NCR3LG1: variants seen among roughly 807,000 people sequenced by gnomAD.
The protein encoded by NCR3LG1 is natural killer cell cytotoxicity receptor 3 ligand 1, also known as natural cytotoxicity triggering receptor 3 ligand 1.
Under a neutral mutation model 34.8 loss-of-function variants are expected in NCR3LG1, and 35 were observed. The observed-to-expected ratio is 1.01, with a 90% CI of 0.77 to 1.33. NCR3LG1 has a LOEUF of 1.33. Among genes scored for constraint, NCR3LG1 ranks in the 40% most tolerant of loss-of-function variants. The pLI, the probability that NCR3LG1 is intolerant of heterozygous loss-of-function variation, is 0.00. For missense variants in NCR3LG1, 452 were observed against 423.3 expected (o/e 1.07, Z -0.60); for synonymous variants, 173 against 163.6 (o/e 1.06, Z -0.44).
intron 2 of NCR3LG1, among the ~76,000 whole-genome samples, chr11:17,366,214 G>A (rs957699133): frequency 6.6e-6 from 1 of 152,104 alleles, no homozygotes; most frequent in African/African-American, 2.4e-5. Flanking sequence ...CTTTTATCTT[G>A]TCACTCTGCC....
At chr11:17,366,155 C>T (rs891345613) in intron 2 of NCR3LG1, among the ~76,000 whole-genome samples, 1 of 152,126 alleles carries the variant, frequency 6.6e-6, no homozygotes, top group Non-Finnish European at 1.5e-5. Flanking sequence ...TGTAGCCAGC[C>T]CAGGGCAGAT....
At chr11:17,380,062 T>C (rs1273855959), downstream of NCR3LG1, among the ~76,000 whole-genome samples, 1 of 152,194 alleles carries the variant, frequency 6.6e-6, no homozygotes, top group Non-Finnish European at 1.5e-5. Flanking sequence ...GCTGGAATAC[T>C]GAACTATATC....
chr11:17,363,095 T>G (rs1260183659), intron 2 of NCR3LG1, among the ~76,000 whole-genome samples: 2 of 144,590 alleles, frequency 1.4e-5, no homozygotes, highest in East Asian at 4.0e-4. Context: ...TAATTTAATT[T>G]TTTTTTTTTT....
Position 17,375,421 on chromosome 11 carries a change from A to C in NCR3LG1, c.*2909A>C, listed in dbSNP as rs1484194654. 2.0e-5 allele frequency: 3 copies of C among 152,150 alleles called. No homozygotes were observed. 9.4% of individuals were successfully genotyped at this position (152,150 alleles called of 1,614,324 possible). A position where few individuals can be genotyped will look rare whatever the true frequency, so the allele number is the denominator to read the frequency against. On this transcript the variant is annotated 3_prime_UTR_variant, in exon 5 of 5. Coordinates refer to ENST00000338965, the MANE Select transcript of NCR3LG1 (RefSeq NM_001202439.3). ...AGTGGGATATGCAGTAGTCACCCTA[A>C]ATAACATTGAAAATGTGCCTCTCTC...
At chr11:17,357,841 G>C (rs1354567151) in intron 2 of NCR3LG1, among the ~76,000 whole-genome samples, 1 of 152,186 alleles carries the variant, frequency 6.6e-6, no homozygotes, top group Admixed American at 6.5e-5. Context: ...TGAGTAGCTA[G>C]GACCTCGGTT....
chr11:17,379,150 C>T (rs939443649), downstream of NCR3LG1, among the ~76,000 whole-genome samples: 2 of 152,000 alleles, frequency 1.3e-5, no homozygotes, highest in Non-Finnish European at 2.9e-5. Context: ...TTGCTCCAAC[C>T]TCACCTTTGG....
chr11:17,372,479 C>T lies in NCR3LG1; in HGVS notation c.1332C>T (p.Ser444=). 1 of 701,590 alleles carries T rather than the reference C, an allele frequency of 1.4e-6. No individual in the cohort carries two copies. The allele number at this position is 701,590 out of a possible 1,614,324, so 43.5% of individuals were successfully genotyped here. A position where few individuals can be genotyped will look rare whatever the true frequency, so the allele number is the denominator to read the frequency against. The part of the protein sequence containing the change: ...ATTSTTPVLS[S]QPPTLLLPLQ ...CATCAACAACTCCAGTTCTATCCTC[C>T]CAACCCCCAACTTTACTGTTACCCC... Residue 444 remains serine, a synonymous_variant, in exon 5 of 5, where the codon TCC becomes TCT. Transcript: ENST00000338965.
intron 2 of NCR3LG1, among the ~76,000 whole-genome samples, chr11:17,357,757 G>A (rs1330981423): frequency 6.6e-6 from 1 of 152,070 alleles, no homozygotes; most frequent in Non-Finnish European, 1.5e-5. Context: ...GCCCAGGCTG[G>A]AGAGCATGGC....
At chr11:17,361,487 G>C (rs1953269026) in intron 2 of NCR3LG1, among the ~76,000 whole-genome samples, 1 of 152,014 alleles carries the variant, frequency 6.6e-6, no homozygotes, top group African/African-American at 2.4e-5. Flanking sequence ...GGGTCACCAA[G>C]TTGGCCAGGC....
At chr11:17,377,954 T>C (rs1471840362), downstream of NCR3LG1, among the ~76,000 whole-genome samples, 2 of 152,334 alleles carry the variant, frequency 1.3e-5, no homozygotes, top group East Asian at 1.9e-4. Flanking sequence ...GAAGATTGGG[T>C]AGGACCTGCA....
chr11:17,357,493 G>C (rs535825786), intron 2 of NCR3LG1, among the ~76,000 whole-genome samples: 1 of 152,246 alleles, frequency 6.6e-6, no homozygotes, highest in East Asian at 1.9e-4. Context: ...AAGAATTTTA[G>C]GAGGACATAA....
At chr11:17,361,028 C>T (rs1953264581) in intron 2 of NCR3LG1, among the ~76,000 whole-genome samples, 1 of 152,136 alleles carries the variant, frequency 6.6e-6, no homozygotes, top group Admixed American at 6.5e-5. Flanking sequence ...TGAGCCACCA[C>T]ACCCTGCCCT....
At position 17,368,944 on chromosome 11, in the gene NCR3LG1, G is replaced by A; in HGVS notation, c.838G>A (p.Val280Ile). 6.5e-7 allele frequency: 1 copy of A among 1,533,296 alleles called. No homozygotes were observed. Among genetic ancestry groups the A allele is most frequent in the Non-Finnish European group, 8.7e-7 (1 of 1,144,854 alleles). 95.0% of individuals were successfully genotyped at this position (1,533,296 alleles called of 1,614,324 possible). Residue 280 changes from valine to isoleucine, a missense_variant, in exon 4 of 5, where the codon GTT (valine) becomes ATT (isoleucine). Val to Ile is a conservative substitution (Grantham distance 29, BLOSUM62 3). Transcript: ENST00000338965. Reference protein sequence around the residue: ...FIGVGLVLLIVLIPWKKICNK... With the variant: ...FIGVGLVLLIILIPWKKICNK... ...TGGTGTTGGACTGGTTTTATTAATTGTTTTGATTCCTTGGAAAAAGGTAAG... is the reference window on the plus strand; with the variant it reads ...TGGTGTTGGACTGGTTTTATTAATTATTTTGATTCCTTGGAAAAAGGTAAG...
chr11:17,364,147 G>GT (rs1341145859), intron 2 of NCR3LG1, among the ~76,000 whole-genome samples: 4 of 151,680 alleles, frequency 2.6e-5, no homozygotes, highest in South Asian at 2.1e-4. Flanking sequence ...CTATTCTGGG[G>GT]TTTTTTTTAA....
rs375121665 is a variant in NCR3LG1, at chr11:17,366,961, AT to A, written c.422-47del. On this transcript the variant is annotated intron_variant, in intron 2 of 4. Coordinates refer to ENST00000338965, the MANE Select transcript of NCR3LG1 (RefSeq NM_001202439.3). ...CCAGTTAGCATAAGGTGTGGTGGGG[AT>A]AAAAGGGTGCTGGGCCCAACTCTGT... is the stretch of plus-strand genomic sequence containing the variant. 5.1e-4 allele frequency: 716 copies of A among 1,394,574 alleles called. 3 individuals are homozygous for A. In the African/African-American group the frequency reaches 7.6e-3, roughly 15 times the overall value. The allele number at this position is 1,394,574 out of a possible 1,614,324, so 86.4% of individuals were successfully genotyped here.
At position 17,374,303 on chromosome 11, in the gene NCR3LG1, T is replaced by C. The variant is rs1050599819; in HGVS notation, c.*1791T>C. The C allele has an allele frequency of 6.6e-6, 1 of 152,250 alleles. No individual in the cohort carries two copies. Among genetic ancestry groups the C allele is most frequent in the Non-Finnish European group, 1.5e-5 (1 of 68,048 alleles). The allele number at this position is 152,250 out of a possible 1,614,324, so 9.4% of individuals were successfully genotyped here. ...CCCTGACTCCCAATACTTGTTTACC[T>C]TTGAAGACCCCTCCAATCAAACCAC... On this transcript the variant is annotated 3_prime_UTR_variant, in exon 5 of 5. Transcript: ENST00000338965.
At chr11:17,361,329 C>T (rs1382466569) in intron 2 of NCR3LG1, among the ~76,000 whole-genome samples, 3 of 150,970 alleles carry the variant, frequency 2.0e-5, no homozygotes, top group Admixed American at 6.6e-5. Context: ...GCTGTGTTGC[C>T]CAGGCTGGAG....
At chr11:17,360,600 A>ATT (rs538727452) in intron 2 of NCR3LG1, among the ~76,000 whole-genome samples, 1 of 139,860 alleles carries the variant, frequency 7.2e-6, no homozygotes. Flanking sequence ...TTCTATATGT[A>ATT]TTTTTTTTTT....
chr11:17,354,545 C>CTTTTTT (rs71047545), intron 1 of NCR3LG1, among the ~76,000 whole-genome samples: 507 of 70,142 alleles, frequency 7.2e-3, no homozygotes, highest in Non-Finnish European at 0.013. Context: ...AATTCTTCTT[C>CTTTTTT]TTTTTTTTTT....
Sources: allele counts gnomAD v4.1 joint callset (sites outside exome capture counted in the v4.1 genomes callset), GRCh38; gene constraint gnomAD v4.1.1; transcripts MANE v1.5; gene names NCBI Gene and HGNC (gene_info 2026-07-23, HGNC 2026-07-21).